Variants in SYN3 observed in about 807,000 individuals in gnomAD.
SYN3 encodes synapsin III.
Under a neutral mutation model 65.8 loss-of-function variants are expected in SYN3, and 35 were observed. The ratio of observed to expected loss-of-function variants is 0.53; its 90% CI spans 0.41 to 0.70. The LOEUF (loss-of-function observed/expected upper bound fraction) is 0.70. Ranked by LOEUF, SYN3 falls within the 30% of genes least tolerant of loss-of-function variation. SYN3 has a pLI of 0.00. For synonymous variants in SYN3, 270 were observed against 292.9 expected (o/e 0.92, Z 0.80); for missense variants, 680 against 749.0 (o/e 0.91, Z 1.08).
intron 10 of SYN3, among the ~76,000 whole-genome samples, chr22:32,533,254 C>T (rs1346880413): frequency 1.3e-5 from 2 of 152,002 alleles, no homozygotes; most frequent in African/African-American, 4.8e-5. Context: ...CATTCCATCC[C>T]CCTTCCAAAT....
intron 3 of SYN3, among the ~76,000 whole-genome samples, chr22:32,948,048 G>A (rs948034755): frequency 5.9e-5 from 9 of 152,138 alleles, no homozygotes; most frequent in East Asian, 1.9e-4. Context: ...TCCTTATGAC[G>A]TTGTACTCCC....
chr22:33,056,503 G>C (rs748347879), intron 1 of SYN3, among the ~76,000 whole-genome samples: 9 of 152,140 alleles, frequency 5.9e-5, no homozygotes, highest in Non-Finnish European at 1.3e-4. Context: ...CCCTCCCTAG[G>C]ACCAGCCTGC....
At chr22:32,699,480 G>A (rs1474056120) in intron 6 of SYN3, among the ~76,000 whole-genome samples, 1 of 152,138 alleles carries the variant, frequency 6.6e-6, no homozygotes, top group Non-Finnish European at 1.5e-5. Flanking sequence ...GTGCCAAAAG[G>A]GAGAGAGTGG....
intron 6 of SYN3, among the ~76,000 whole-genome samples, chr22:32,738,665 G>A (rs2061363921): frequency 6.6e-6 from 1 of 152,234 alleles, no homozygotes; most frequent in Non-Finnish European, 1.5e-5. Context: ...TAATGCATGA[G>A]TAGGAATTTG....
chr22:32,790,875 T>C (rs1213287588), intron 6 of SYN3, among the ~76,000 whole-genome samples: 1 of 152,126 alleles, frequency 6.6e-6, no homozygotes, highest in African/African-American at 2.4e-5. Flanking sequence ...CAAGTAATAG[T>C]AGCTACGAGA....
At chr22:32,822,155 C>CAAAA (rs35312009) in intron 6 of SYN3, among the ~76,000 whole-genome samples, 4 of 108,316 alleles carry the variant, frequency 3.7e-5, no homozygotes, top group East Asian at 2.4e-4. Flanking sequence ...AACTCCATCT[C>CAAAA]AAAAAAAAAA....
intron 6 of SYN3, among the ~76,000 whole-genome samples, chr22:32,629,021 GCT>G (rs978435975): frequency 5.9e-5 from 9 of 152,314 alleles, no homozygotes; most frequent in African/African-American, 2.2e-4. Flanking sequence ...AGAACCTGGA[GCT>G]CTCCAGGCAA....
intron 2 of SYN3, among the ~76,000 whole-genome samples, chr22:32,982,462 T>C (rs1284541461): frequency 6.6e-6 from 1 of 152,224 alleles, no homozygotes; most frequent in African/African-American, 2.4e-5. Context: ...TCACTGATTC[T>C]ACATTTTAAT....
At chr22:32,957,254 C>G (rs190098134) in intron 3 of SYN3, among the ~76,000 whole-genome samples, 8 of 152,178 alleles carry the variant, frequency 5.3e-5, no homozygotes, top group African/African-American at 1.9e-4. Flanking sequence ...GTTAAGTAAA[C>G]GCAAACATGG....
At chr22:33,008,599 T>G (rs944369477) in intron 1 of SYN3, among the ~76,000 whole-genome samples, 1 of 152,054 alleles carries the variant, frequency 6.6e-6, no homozygotes, top group Non-Finnish European at 1.5e-5. Flanking sequence ...AACCACAAAT[T>G]GCTACTCCAT....
chr22:32,522,773 C>T (rs183441193), intron 12 of SYN3, among the ~76,000 whole-genome samples: 4 of 152,190 alleles, frequency 2.6e-5, no homozygotes, highest in East Asian at 1.9e-4. Flanking sequence ...GACAAGCACC[C>T]CATCCTTAAA....
chr22:33,032,486 C>G (rs8136597), intron 1 of SYN3, among the ~76,000 whole-genome samples: 3,135 of 149,772 alleles, frequency 0.021, 117 homozygotes, highest in African/African-American at 0.072. Flanking sequence ...GCCTGGGTGA[C>G]AGAGCAAGAC....
chr22:32,746,703 T>C (rs904727895), intron 6 of SYN3, among the ~76,000 whole-genome samples: 5 of 152,168 alleles, frequency 3.3e-5, no homozygotes, highest in African/African-American at 4.8e-5. Context: ...GAGATGACTG[T>C]TTCCTAACTG....
chr22:32,835,350 G>T (rs1392676687), intron 6 of SYN3, among the ~76,000 whole-genome samples: 1 of 152,224 alleles, frequency 6.6e-6, no homozygotes, highest in Non-Finnish European at 1.5e-5. Context: ...TTTAGTGAGT[G>T]TATGGGGGCA....
chr22:32,859,690 C>G (rs1060198), intron 6 of SYN3: 1 of 327,798 alleles, frequency 3.1e-6, no homozygotes, highest in African/African-American at 2.2e-5. Flanking sequence ...TTTAGGAAAA[C>G]AAAAATGAAA....
chr22:32,708,522 C>T (rs750985296), intron 6 of SYN3, among the ~76,000 whole-genome samples: 6 of 152,186 alleles, frequency 3.9e-5, no homozygotes, highest in Non-Finnish European at 8.8e-5. Flanking sequence ...TTAAAACCAT[C>T]GTCTCTCCCT....
chr22:32,651,500 T>A (rs1053411861), intron 6 of SYN3, among the ~76,000 whole-genome samples: 4 of 152,142 alleles, frequency 2.6e-5, no homozygotes, highest in Non-Finnish European at 4.4e-5. Context: ...AGGTGGGGCA[T>A]GATCGCTCCT....
intron 11 of SYN3, among the ~76,000 whole-genome samples, chr22:32,528,292 A>G (rs2058015219): frequency 6.6e-6 from 1 of 152,126 alleles, no homozygotes; most frequent in African/African-American, 2.4e-5. Context: ...GTTTGTTATC[A>G]TAGATTACTT....
At chr22:32,617,711 C>T (rs1001789841) in intron 6 of SYN3, among the ~76,000 whole-genome samples, 1 of 151,958 alleles carries the variant, frequency 6.6e-6, no homozygotes, top group Non-Finnish European at 1.5e-5. Context: ...GGGAATGACA[C>T]CATTAGATTC....
Sources: allele counts gnomAD v4.1 joint callset (sites outside exome capture counted in the v4.1 genomes callset), GRCh38; gene constraint gnomAD v4.1.1; transcripts MANE v1.5; gene names NCBI Gene and HGNC (gene_info 2026-07-23, HGNC 2026-07-21).